Variants in PYCR2 observed in about 807,000 individuals in gnomAD.
PYCR2 encodes the protein pyrroline-5-carboxylate reductase 2, also known as P5C reductase 2.
PYCR2 carries 17 observed loss-of-function variants against 23.4 expected under a neutral mutation model. That is an observed-to-expected ratio of 0.73 (90% CI 0.50 to 1.09). The LOEUF (loss-of-function observed/expected upper bound fraction) is 1.09, where lower values mean the gene tolerates loss of function less well. Among genes scored for constraint, PYCR2 ranks in the 50% least tolerant of loss-of-function variants. The probability of loss-of-function intolerance (pLI) is 0.00; values close to 1 mark genes in which losing one functional copy is unlikely to be tolerated. For missense variants in PYCR2, 380 were observed against 423.5 expected (o/e 0.90, Z 0.90); for synonymous variants, 172 against 176.6 (o/e 0.97, Z 0.21).
intron 2 of PYCR2, chr1:225,922,648 T>A (rs191848863): frequency 1.1e-3 from 539 of 481,456 alleles, no homozygotes; most frequent in Non-Finnish European, 1.6e-3. Flanking sequence ...AATCTTCTGG[T>A]ATCTAAGGCA....
intron 2 of PYCR2, 97 bp downstream of exon 2, chr1:225,923,604 C>A: frequency 6.3e-7 from 1 of 1,598,430 alleles, no homozygotes; most frequent in South Asian, 1.1e-5. Flanking sequence ...GGCCAAAGAC[C>A]AGCACTTGGG....
Position 225,920,519 on chromosome 1 carries a change from A to G in PYCR2, c.899T>C (p.Leu300Pro). The change falls in exon 7 of 7, where the codon CTG becomes CCG. Residue 300 changes from leucine (L) to proline (P), a missense_variant. Leu to Pro is a moderately conservative substitution (Grantham distance 98). Coordinates refer to ENST00000343818, the MANE Select transcript of PYCR2 (RefSeq NM_013328.4). ...VKLESPTVSTLTPSSPGKLLT... is the reference protein window; with the variant it reads ...VKLESPTVSTPTPSSPGKLLT... ...GAGCTTCCCTGGGCTGGAGGGGGTCAGTGTGGAGACTGTGGGGGATTCCAG... is the reference window on the plus strand; with the variant it reads ...GAGCTTCCCTGGGCTGGAGGGGGTCGGTGTGGAGACTGTGGGGGATTCCAG... 6.4e-7 allele frequency: 1 copy of G among 1,552,470 alleles called. No individual in the cohort carries two copies. Among genetic ancestry groups the G allele is most frequent in the African/African-American group, 1.4e-5 (1 of 73,206 alleles).
intron 2 of PYCR2, 131 bp from the exon 3 acceptor site, chr1:225,922,514 A>C (rs1321662475): frequency 4.4e-6 from 4 of 910,474 alleles, no homozygotes; most frequent in South Asian, 1.6e-5. Context: ...TTATGCCCTC[A>C]GGGTTCTACC....
In PYCR2 at chr1:225,920,384, G is replaced by GC. The variant is rs773333344; in HGVS notation, c.*70dup. 9 of 1,364,670 alleles carry GC rather than the reference G, an allele frequency of 6.6e-6. No homozygotes were observed. The highest frequency in any genetic ancestry group is 7.9e-6 in the Non-Finnish European group (8 of 1,012,652). 84.5% of individuals were successfully genotyped at this position (1,364,670 alleles called of 1,614,324 possible). A position where few individuals can be genotyped will look rare whatever the true frequency, so the allele number is the denominator to read the frequency against. On this transcript the variant is annotated 3_prime_UTR_variant, in exon 7 of 7. Transcript: ENST00000343818. ...GAGGAGGGGCAATGGTGGGAGCGGG[G>GC]CAGGGGGGTGGCAGGGGCGGCAGGG...
rs995512922 is a variant in PYCR2, at chr1:225,923,971, A to G, written c.67+73T>C. ...ACGCAAACTCCCCTTTCATTCGCTC[A>G]TGCTGGTGGGACGGAGGCCCCCTCG... On this transcript the variant is annotated intron_variant, in intron 1 of 6. Transcript: ENST00000343818. 4.6e-6 allele frequency: 7 copies of G among 1,515,482 alleles called. No homozygotes were observed. The African/African-American group carries it at 6.9e-5, about 15-fold the overall frequency. The allele number at this position is 1,515,482 out of a possible 1,614,324, so 93.9% of individuals were successfully genotyped here.
intron 1 of PYCR2, 136 bp downstream of exon 1, chr1:225,923,908 C>A: frequency 3.4e-6 from 5 of 1,472,530 alleles, no homozygotes; most frequent in Non-Finnish European, 4.6e-6. Context: ...ACAGAAGACG[C>A]ACTTGCTGCT....
intron 1 of PYCR2, 62 bp from the exon 2 acceptor site, chr1:225,923,833 G>A (rs959107625): frequency 5.0e-6 from 8 of 1,608,286 alleles, no homozygotes; most frequent in African/African-American, 2.7e-5. Flanking sequence ...CGCTTTCCCT[G>A]GCTCTAAAAC....
At position 225,921,199 on chromosome 1, in the gene PYCR2, T is replaced by G. The variant is rs41307726; in HGVS notation, c.797+9A>C. 161,617 of 1,609,918 alleles carry G rather than the reference T, an allele frequency of 0.1. 9,014 individuals are homozygous for G. The highest frequency in any genetic ancestry group is 0.15 in the South Asian group (13,625 of 90,632). ...GGGTCTGGGACAGAAGTCCGCGGGA[T>G]GGACTCACCGTGTTCGGATACAGGA... On this transcript the variant is annotated intron_variant, in intron 6 of 6. Coordinates refer to ENST00000343818, the MANE Select transcript of PYCR2 (RefSeq NM_013328.4). This position sits in a 1 kb window ranked among gnomAD's most constrained non-coding sequence, Gnocchi z 4.2.
Position 225,921,218 on chromosome 1 carries a change from T to C in PYCR2, c.787A>G (p.Ile263Val), listed in dbSNP as rs747481686. ...LLINAVEASC[I>V]RTRELQSMAD... The stretch of plus-strand genomic sequence containing the variant: ...GCGGGATGGACTCACCGTGTTCGGA[T>C]ACAGGAGGCCTCAACTGCATTGATG... The change falls in exon 6 of 7, where the codon ATC (isoleucine) becomes GTC (valine). Residue 263 changes from isoleucine (I) to valine (V), a missense_variant. Coordinates refer to ENST00000343818, the MANE Select transcript of PYCR2 (RefSeq NM_013328.4). The surrounding 1 kb of genome is among the most constrained non-coding windows in gnomAD (Gnocchi z 4.2). The C allele has an allele frequency of 6.2e-7, 1 of 1,613,504 alleles. No individual in the cohort carries two copies. Among genetic ancestry groups the C allele is most frequent in the Non-Finnish European group, 8.5e-7 (1 of 1,179,658 alleles).
In PYCR2 at chr1:225,921,870, G is replaced by A. The variant is rs201440840; in HGVS notation, c.528C>T (p.Ser176=). ...LIDAVTGLSG[S]GPAYAFMALD... is the part of the protein sequence containing the mutation. ...ATGAGGGCCTCACATAGGCAGGCCC[G>A]CTGCCACTGAGCCCCGTGACGGCAT... Residue 176 remains serine, a synonymous_variant, in exon 4 of 7, where the codon AGC becomes AGT. Coordinates refer to ENST00000343818, the MANE Select transcript of PYCR2 (RefSeq NM_013328.4). The surrounding 1 kb of genome is among the most constrained non-coding windows in gnomAD (Gnocchi z 4.2). The A allele has an allele frequency of 2.2e-5, 35 of 1,612,102 alleles. 1 individual carries two copies. The highest frequency in any genetic ancestry group is 1.4e-4 in the South Asian group (13 of 91,022).
Position 225,921,562 on chromosome 1 carries a change from T to C in PYCR2, c.623A>G (p.Gln208Arg), listed in dbSNP as rs1360024520. 1 of 1,614,074 alleles carries C rather than the reference T, an allele frequency of 6.2e-7. No homozygotes were observed. Among genetic ancestry groups the C allele is most frequent in the Non-Finnish European group, 8.5e-7 (1 of 1,180,040 alleles). ...PRRLAIQLGA[Q>R]ALLGAAKMLL... ...GGGAAAGATACTGACCAGCAAAGCC[T>C]GGGCCCCGAGTTGGATTGCCAGGCG... The change falls in exon 5 of 7, where the codon CAG becomes CGG. Residue 208 changes from glutamine (Q) to arginine (R), a missense_variant. Transcript: ENST00000343818. This position sits in a 1 kb window ranked among gnomAD's most constrained non-coding sequence, Gnocchi z 4.2.
Position 225,921,648 on chromosome 1 carries a change from T to TGGAGA in PYCR2, c.541-9_541-5dup. On this transcript the variant is annotated splice_region_variant and splice_polypyrimidine_tract_variant and intron_variant, in intron 4 of 6. Coordinates refer to ENST00000343818, the MANE Select transcript of PYCR2 (RefSeq NM_013328.4). The surrounding 1 kb of genome is among the most constrained non-coding windows in gnomAD (Gnocchi z 4.2). Reference sequence around the variant, plus strand: ...ATGCGTCCAGAGCCATGAATGCCTGTGGAGACACTCACTAAGCCCCAGGCC... The same window carrying TGGAGA: ...ATGCGTCCAGAGCCATGAATGCCTGTGGAGAGGAGACACTCACTAAGCCCCAGGCC... 1 of 1,614,164 alleles carries TGGAGA rather than the reference T, an allele frequency of 6.2e-7. No homozygotes were observed. The highest frequency in any genetic ancestry group is 8.5e-7 in the Non-Finnish European group (1 of 1,179,996).
rs1446433617 is a variant in PYCR2, at chr1:225,922,325, A to C, written c.197T>G (p.Leu66Arg). 3 of 1,614,212 alleles carry C rather than the reference A, an allele frequency of 1.9e-6. No individual in the cohort carries two copies. Among genetic ancestry groups the C allele is most frequent in the Non-Finnish European group, 2.5e-6 (3 of 1,180,034 alleles). The change falls in exon 3 of 7, where the codon CTG becomes CGG. Residue 66 changes from leucine (L) to arginine (R), a missense_variant. By Grantham distance (102) the Leu-to-Arg change is moderately radical. Coordinates refer to ENST00000343818, the MANE Select transcript of PYCR2 (RefSeq NM_013328.4). ...NKETVKHSDV[L>R]FLAVKPHIIP... ...GATATGTGGCTTCACAGCCAGAAAC[A>C]GGACGTCGCTGTGCTTCACCGTCTC...
chr1:225,920,210 G>T lies in PYCR2; in HGVS notation c.*245C>A. ...AACTGAGCAGCGTACGCAGGGTTGT[G>T]TCTGGCTTCCAGCATCTACCACCCC... On this transcript the variant is annotated 3_prime_UTR_variant, in exon 7 of 7. Transcript: ENST00000343818. 2 of 294,696 alleles carry T rather than the reference G, an allele frequency of 6.8e-6. No individual in the cohort carries two copies. The highest frequency in any genetic ancestry group is 6.3e-6 in the Non-Finnish European group (1 of 159,730). The allele number at this position is 294,696 out of a possible 1,614,324, so 18.3% of individuals were successfully genotyped here.
Position 225,921,230 on chromosome 1 carries a change from CA to C in PYCR2, c.774del (p.Glu259ArgfsTer29). 1 of 1,613,894 alleles carries C rather than the reference CA, an allele frequency of 6.2e-7. No individual in the cohort carries two copies. Among genetic ancestry groups the C allele is most frequent in the Non-Finnish European group, 8.5e-7 (1 of 1,179,890 alleles). The part of the protein sequence containing the change: ...GGFRSLLINA[V>X]EASCIRTREL... ...CACCGTGTTCGGATACAGGAGGCCT[CA>C]ACTGCATTGATGAGCAGAGAGCGGA... On this transcript the variant is annotated frameshift_variant, in exon 6 of 7. Transcript: ENST00000343818. LOFTEE classifies it high-confidence loss of function. This position sits in a 1 kb window ranked among gnomAD's most constrained non-coding sequence, Gnocchi z 4.2.
At chr1:225,922,471 G>A (rs1029579921) in intron 2 of PYCR2, 88 bp from the exon 3 acceptor site, 10 of 1,364,668 alleles carry the variant, frequency 7.3e-6, no homozygotes, top group African/African-American at 5.8e-5. Context: ...CTGCCAAACC[G>A]ATTCTGCCAG....
Position 225,921,288 on chromosome 1 carries a change from G to C in PYCR2, c.717C>G (p.Ile239Met). ...DNVCSPGGATIHALHFLESGG... is the reference protein window; with the variant it reads ...DNVCSPGGATMHALHFLESGG... ...CACTCTCTAGAAAGTGCAGGGCGTG[G>C]ATGGTGGCTCCCCCAGGGGAGCAGA... Residue 239 changes from isoleucine (I) to methionine (M), a missense_variant, in exon 6 of 7, where the codon ATC (isoleucine) becomes ATG (methionine). Coordinates refer to ENST00000343818, the MANE Select transcript of PYCR2 (RefSeq NM_013328.4). This position sits in a 1 kb window ranked among gnomAD's most constrained non-coding sequence, Gnocchi z 4.2. 6.2e-7 allele frequency: 1 copy of C among 1,610,090 alleles called. No homozygotes were observed. The highest frequency in any genetic ancestry group is 8.5e-7 in the Non-Finnish European group (1 of 1,176,276).
Position 225,921,715 on chromosome 1 carries a change from A to AC in PYCR2, c.541-72dup. The AC allele has an allele frequency of 3.1e-6, 5 of 1,593,660 alleles. No individual in the cohort carries two copies. Among genetic ancestry groups the AC allele is most frequent in the Non-Finnish European group, 4.3e-6 (5 of 1,161,990 alleles). ...CTTTCCTTAGGTCTGCTTTCTGATG[A>AC]CTAGAACTAGCTCCAAGGGTCAGCA... On this transcript the variant is annotated intron_variant, in intron 4 of 6. Transcript: ENST00000343818. The surrounding 1 kb of genome is among the most constrained non-coding windows in gnomAD (Gnocchi z 4.2).
In PYCR2 at chr1:225,921,832, G is replaced by A. The variant is rs1671849897; in HGVS notation, c.540+26C>T. ...ATCTTGCTGCCTGGGTTCCTAGAAGGCTGAGCGAGCAAATGAGGGCCTCAC... is the reference window on the plus strand; with the variant it reads ...ATCTTGCTGCCTGGGTTCCTAGAAGACTGAGCGAGCAAATGAGGGCCTCAC... On this transcript the variant is annotated intron_variant, in intron 4 of 6. Transcript: ENST00000343818. This position sits in a 1 kb window ranked among gnomAD's most constrained non-coding sequence, Gnocchi z 4.2. The A allele has an allele frequency of 3.1e-6, 5 of 1,612,338 alleles. No individual in the cohort carries two copies. Among genetic ancestry groups the A allele is most frequent in the Non-Finnish European group, 4.2e-6 (5 of 1,179,606 alleles).
Sources: gnomAD v4.1 joint callset for allele counts on GRCh38, gnomAD v4.1.1 for gene constraint, Gnocchi (gnomAD v3.1) non-coding constraint, MANE v1.5 for transcripts, NCBI Gene and HGNC (gene_info 2026-07-23, HGNC 2026-07-21) for gene names.